ARHGEF3: variants seen among roughly 807,000 people sequenced by gnomAD.
The protein encoded by ARHGEF3 is Rho guanine nucleotide exchange factor 3, also known as 59.8 kDA protein.
Under a neutral mutation model 63.2 loss-of-function variants are expected in ARHGEF3, and 28 were observed. The ratio of observed to expected loss-of-function variants is 0.44; its 90% CI spans 0.33 to 0.61. ARHGEF3 has a LOEUF of 0.61. Ranked by LOEUF, ARHGEF3 falls within the 20% of genes least tolerant of loss-of-function variation. The pLI, the probability that ARHGEF3 is intolerant of heterozygous loss-of-function variation, is 0.03. For synonymous variants in ARHGEF3, 266 were observed against 254.2 expected (o/e 1.05, Z -0.44); for missense variants, 533 against 659.3 (o/e 0.81, Z 2.10).
intron 1 of ARHGEF3, among the ~76,000 whole-genome samples, chr3:57,042,438 G>A (rs1704224692): frequency 6.6e-6 from 1 of 151,850 alleles, no homozygotes; most frequent in Admixed American, 6.6e-5. Context: ...ATATGAAGCA[G>A]TGGTGGATGA....
chr3:56,981,306 A>G (rs1472972262), intron 2 of ARHGEF3, among the ~76,000 whole-genome samples: 1 of 152,212 alleles, frequency 6.6e-6, no homozygotes, highest in Admixed American at 6.5e-5. Flanking sequence ...GCCAGGGTAA[A>G]TCTTTCTTAA....
intron 1 of ARHGEF3, among the ~76,000 whole-genome samples, chr3:57,059,842 C>G (rs938704783): frequency 6.6e-6 from 1 of 151,746 alleles, no homozygotes; most frequent in African/African-American, 2.4e-5. Flanking sequence ...ACTAAAAATA[C>G]AAAAGTAGCC....
intron 3 of ARHGEF3, 26 bp from the exon 4 acceptor site, chr3:56,753,592 C>T (rs780791699): frequency 6.2e-7 from 1 of 1,602,252 alleles, no homozygotes. Flanking sequence ...AACATATTCA[C>T]TGAATTCTCC....
intron 7 of ARHGEF3, among the ~76,000 whole-genome samples, chr3:56,739,548 C>T (rs994610000): frequency 4.6e-5 from 7 of 151,778 alleles, no homozygotes; most frequent in East Asian, 2.0e-4. Context: ...CACAGGCGTG[C>T]GCCACCACAC....
intron 4 of ARHGEF3, among the ~76,000 whole-genome samples, chr3:56,828,022 C>T (rs910801404): frequency 2.8e-5 from 4 of 142,786 alleles, no homozygotes; most frequent in East Asian, 2.1e-4. Context: ...CCAAGATATA[C>T]GTGAAGTACA....
chr3:56,852,559 C>T (rs79350124), intron 4 of ARHGEF3, among the ~76,000 whole-genome samples: 1 of 152,148 alleles, frequency 6.6e-6, no homozygotes, highest in East Asian at 1.9e-4. Flanking sequence ...TTTTCAAATT[C>T]TCTAATGCGT....
chr3:56,830,406 C>T (rs1232338892), intron 4 of ARHGEF3, among the ~76,000 whole-genome samples: 1 of 152,160 alleles, frequency 6.6e-6, no homozygotes, highest in African/African-American at 2.4e-5. Context: ...CTTCTCTTCA[C>T]CTTGCCTATC....
chr3:56,794,424 G>C (rs918552219), intron 1 of ARHGEF3, among the ~76,000 whole-genome samples: 1 of 149,208 alleles, frequency 6.7e-6, no homozygotes, highest in Non-Finnish European at 1.5e-5. Context: ...GGAGGCAGAG[G>C]TTGCAATAAG....
chr3:56,764,524 C>T (rs906452312), intron 2 of ARHGEF3, among the ~76,000 whole-genome samples: 5 of 152,096 alleles, frequency 3.3e-5, no homozygotes, highest in East Asian at 1.9e-4. Context: ...GAACACCCTA[C>T]GGAATCCCAG....
At chr3:56,768,635 T>C (rs1265454456) in intron 2 of ARHGEF3, among the ~76,000 whole-genome samples, 2 of 47,318 alleles carry the variant, frequency 4.2e-5, no homozygotes, top group Non-Finnish European at 9.0e-5. Context: ...AGGAGGAAAA[T>C]AGAGATGGAA....
At position 56,795,401 on chromosome 3, in the gene ARHGEF3, C is replaced by T. The variant is rs116183360; in HGVS notation, c.96+6302G>A. On this transcript the variant is annotated intron_variant, in intron 1 of 9. Coordinates refer to ENST00000296315, the MANE Select transcript of ARHGEF3 (RefSeq NM_019555.3). Reference sequence around the variant, plus strand: ...CCTCAGAAAAAAAGAGCCTGTTTTGCTACTCCTTTCCTCCTCATCTTAAGA... The same window carrying T: ...CCTCAGAAAAAAAGAGCCTGTTTTGTTACTCCTTTCCTCCTCATCTTAAGA... 3.8e-3 allele frequency among the ~76,000 whole-genome samples: 574 copies of T among 152,248 alleles called. 3 individuals carry two copies. Among genetic ancestry groups the T allele is most frequent in the African/African-American group, 0.013 (543 of 41,536 alleles).
At chr3:56,732,211 C>T (rs769296140) in intron 9 of ARHGEF3, 27 bp downstream of exon 9, 2 of 1,612,398 alleles carry the variant, frequency 1.2e-6, no homozygotes. Context: ...AAACATTCAA[C>T]AGGTCAACCC....
intron 7 of ARHGEF3, among the ~76,000 whole-genome samples, chr3:56,744,222 G>C (rs146484284): frequency 7.6e-4 from 116 of 152,038 alleles, no homozygotes; most frequent in African/African-American, 2.7e-3. Context: ...GCTCCCCGTG[G>C]CCTGCCATCT....
chr3:57,024,295 T>TA (rs1370158880), intron 2 of ARHGEF3, among the ~76,000 whole-genome samples: 1 of 93,576 alleles, frequency 1.1e-5, no homozygotes, highest in Non-Finnish European at 2.4e-5. Context: ...GAAGGAAAGA[T>TA]ATTAAAAAAA....
intron 4 of ARHGEF3, among the ~76,000 whole-genome samples, chr3:56,877,321 C>T (rs1046904524): frequency 8.0e-5 from 12 of 150,870 alleles, no homozygotes; most frequent in African/African-American, 2.7e-4. Context: ...TAATATGACA[C>T]GTTCATAATA....
intron 4 of ARHGEF3, among the ~76,000 whole-genome samples, chr3:56,860,036 CAAGAG>C (rs1449384846): frequency 7.4e-6 from 1 of 134,556 alleles, no homozygotes; most frequent in Non-Finnish European, 1.6e-5. Flanking sequence ...AACCTGGTCT[CAAGAG>C]AGATAGATAG....
At chr3:56,912,085 A>T (rs1471625371) in intron 3 of ARHGEF3, among the ~76,000 whole-genome samples, 1 of 152,172 alleles carries the variant, frequency 6.6e-6, no homozygotes, top group Non-Finnish European at 1.5e-5. Context: ...GTGTACTTAA[A>T]CACATTCATT....
At chr3:56,767,455 G>A (rs2035766890) in intron 2 of ARHGEF3, among the ~76,000 whole-genome samples, 1 of 151,516 alleles carries the variant, frequency 6.6e-6, no homozygotes, top group African/African-American at 2.4e-5. Context: ...GTGGTGGCGG[G>A]CGCCTATAGT....
intron 2 of ARHGEF3, chr3:57,007,079 G>T (rs930715473): frequency 1.3e-4 from 134 of 1,005,308 alleles, no homozygotes; most frequent in Middle Eastern, 8.3e-4. Flanking sequence ...GACTATTAAG[G>T]TGTGCTCAGC....
Sources: allele counts gnomAD v4.1 joint callset (sites outside exome capture counted in the v4.1 genomes callset), GRCh38; gene constraint gnomAD v4.1.1; transcripts MANE v1.5; gene names NCBI Gene and HGNC (gene_info 2026-07-23, HGNC 2026-07-21).